Variants in CDC42EP4 observed in about 807,000 individuals in gnomAD.
CDC42EP4 encodes CDC42 effector protein 4, also known as CDC42 effector protein (Rho GTPase binding) 4.
A neutral mutation model predicts 5.6 loss-of-function variants in CDC42EP4; 6 were observed. That is an observed-to-expected ratio of 1.07 (90% CI 0.59 to 2.12). The LOEUF is 2.12. Ranked by LOEUF, CDC42EP4 falls within the 30% of genes most tolerant of loss-of-function variation. The pLI is 0.00. For synonymous variants in CDC42EP4, 230 were observed against 224.2 expected (o/e 1.03, Z -0.23); for missense variants, 490 against 508.6 (o/e 0.96, Z 0.35).
In CDC42EP4 at chr17:73,286,434, T is replaced by C; in HGVS notation, c.67A>G (p.Thr23Ala). ...AGCGGGGCGCTGATCATCTCGGCCG[T>C]GAGGTCCGCTCGGGAACGGCGCTTG... ...HSKRRSRADL[T>A]AEMISAPLGD... Residue 23 changes from threonine to alanine, a missense_variant, in exon 2 of 2, where the codon ACG (threonine) becomes GCG (alanine). Thr to Ala is a moderately conservative substitution (Grantham distance 58, BLOSUM62 0). Coordinates refer to ENST00000335793, the MANE Select transcript of CDC42EP4 (RefSeq NM_012121.5). The surrounding 1 kb of genome is among the most constrained non-coding windows in gnomAD (Gnocchi z 7.7). The C allele has an allele frequency of 6.2e-7, 1 of 1,612,898 alleles. No individual in the cohort carries two copies.
chr17:73,302,711 G>A (rs367969020), intron 1 of CDC42EP4, among the ~76,000 whole-genome samples: 136 of 152,212 alleles, frequency 8.9e-4, no homozygotes, highest in African/African-American at 2.5e-3. Context: ...GCCACCACAC[G>A]TGGCCAGAAT....
chr17:73,292,507 T>C (rs1190620333), intron 1 of CDC42EP4, among the ~76,000 whole-genome samples: 1 of 108,856 alleles, frequency 9.2e-6, no homozygotes, highest in Admixed American at 8.9e-5. Context: ...GTGTGGGGGG[T>C]GGGGGTGGGG....
In CDC42EP4 at chr17:73,295,138, G is replaced by A. The variant is rs551747893; in HGVS notation, c.-112-8526C>T. 4.4e-4 allele frequency among the ~76,000 whole-genome samples: 67 copies of A among 152,158 alleles called. 1 individual carries two copies. The South Asian group carries it at 8.5e-3, about 19-fold the overall frequency. ...CAGTGGATTTTCTTATGTACTCCTT[G>A]GGGTGCTAAAATGCAGCACCCACTG... On this transcript the variant is annotated intron_variant, in intron 1 of 1. Transcript: ENST00000335793.
rs139856720 is a variant in CDC42EP4 at position 73,286,020 on chromosome 17, C to T, written c.481G>A (p.Glu161Lys). 4 of 1,613,722 alleles carry T rather than the reference C, an allele frequency of 2.5e-6. No individual in the cohort carries two copies. Among genetic ancestry groups the T allele is most frequent in the Non-Finnish European group, 2.5e-6 (3 of 1,179,972 alleles). Residue 161 changes from glutamate (E) to lysine (K), a missense_variant, in exon 2 of 2, where the codon GAG (glutamate) becomes AAG (lysine). Glu to Lys is a moderately conservative substitution (Grantham distance 56, BLOSUM62 1). Coordinates refer to ENST00000335793, the MANE Select transcript of CDC42EP4 (RefSeq NM_012121.5). This position sits in a 1 kb window ranked among gnomAD's most constrained non-coding sequence, Gnocchi z 7.7. ...GCCCCATTCCGACGGGGCACTGCCT[C>T]CTCCGTGCCCGCCTCCTCATCGCCG... Reference protein sequence around the residue: ...EGGDEEAGTEEAVPRRNGAAG... With the variant: ...EGGDEEAGTEKAVPRRNGAAG...
intron 1 of CDC42EP4, among the ~76,000 whole-genome samples, chr17:73,291,673 A>G (rs772202300): frequency 3.9e-5 from 6 of 152,032 alleles, no homozygotes; most frequent in Non-Finnish European, 5.9e-5. Context: ...CACTCCCCAT[A>G]GCCTGCCTTG....
rs573408812 is a variant in CDC42EP4 at position 73,284,017 on chromosome 17, T to C, written c.*1413A>G. On this transcript the variant is annotated 3_prime_UTR_variant, in exon 2 of 2. Coordinates refer to ENST00000335793, the MANE Select transcript of CDC42EP4 (RefSeq NM_012121.5). ...AACCGGCAGTCAACCTCAGGGCTCA[T>C]ACCCGAGCTTCTGCTCAATCCCCTC... The C allele has an allele frequency of 1.3e-5, 2 of 152,370 alleles. No homozygotes were observed. Among genetic ancestry groups the C allele is most frequent in the South Asian group, 2.1e-4 (1 of 4,830 alleles). The allele number at this position is 152,370 out of a possible 1,614,324, so 9.4% of individuals were successfully genotyped here. A position where few individuals can be genotyped will look rare whatever the true frequency, so the allele number is the denominator to read the frequency against.
At chr17:73,310,613 A>G (rs1450619936) in intron 1 of CDC42EP4, among the ~76,000 whole-genome samples, 1 of 152,270 alleles carries the variant, frequency 6.6e-6, no homozygotes, top group East Asian at 1.9e-4. Flanking sequence ...AGGCAACGAG[A>G]AAAGAAAAGG....
At chr17:73,289,823 AGAAAG>A (rs1161650686) in intron 1 of CDC42EP4, among the ~76,000 whole-genome samples, 3 of 149,788 alleles carry the variant, frequency 2.0e-5, no homozygotes, top group African/African-American at 7.3e-5. Context: ...AGAAAGAAAA[AGAAAG>A]GAAAGAAGGA....
chr17:73,288,840 C>T (rs1454527546), intron 1 of CDC42EP4, among the ~76,000 whole-genome samples: 3 of 152,178 alleles, frequency 2.0e-5, no homozygotes, highest in Non-Finnish European at 2.9e-5. Context: ...CACGCCATAC[C>T]GCTTATCATT....
Position 73,286,243 on chromosome 17 carries a change from G to A in CDC42EP4, c.258C>T (p.Ser86=). 6.2e-7 allele frequency: 1 copy of A among 1,614,228 alleles called. No homozygotes were observed. The highest frequency in any genetic ancestry group is 8.5e-7 in the Non-Finnish European group (1 of 1,180,046). Residue 86 remains serine (S), a synonymous_variant, in exon 2 of 2, where the codon AGC becomes AGT. Coordinates refer to ENST00000335793, the MANE Select transcript of CDC42EP4 (RefSeq NM_012121.5). The surrounding 1 kb of genome is among the most constrained non-coding windows in gnomAD (Gnocchi z 7.7). ...CCCTGGTCACCGACTGTGACCGCTTGCTGCCCCGGAACTTCCTGGACAGGA... is the reference window on the plus strand; with the variant it reads ...CCCTGGTCACCGACTGTGACCGCTTACTGCCCCGGAACTTCCTGGACAGGA... The part of the protein sequence containing the change: ...RSLLSRKFRG[S]KRSQSVTRGE...
chr17:73,298,149 C>T (rs1170075210), intron 1 of CDC42EP4, among the ~76,000 whole-genome samples: 1 of 152,154 alleles, frequency 6.6e-6, no homozygotes, highest in Non-Finnish European at 1.5e-5. Flanking sequence ...TCCATCCGTA[C>T]TCTGCCTCTC....
chr17:73,310,218 A>C (rs1191895347), intron 1 of CDC42EP4: 1 of 152,202 alleles, frequency 6.6e-6, no homozygotes, highest in African/African-American at 2.4e-5. Flanking sequence ...CTTAAAATTC[A>C]GTCCACCCTG....
Position 73,286,702 on chromosome 17 carries a change from C to T in CDC42EP4, c.-112-90G>A. On this transcript the variant is annotated intron_variant, in intron 1 of 1. Transcript: ENST00000335793. The surrounding 1 kb of genome is among the most constrained non-coding windows in gnomAD (Gnocchi z 7.7). ...TGCCAGGGGACTGTCATTTAAACCC[C>T]AGCGCTCCTACCAAAGTTAAATGCT... 1.7e-6 allele frequency: 1 copy of T among 575,022 alleles called. No homozygotes were observed. The highest frequency in any genetic ancestry group is 3.0e-5 in the Admixed American group (1 of 32,944). 35.6% of individuals were successfully genotyped at this position (575,022 alleles called of 1,614,324 possible). A position where few individuals can be genotyped will look rare whatever the true frequency, so the allele number is the denominator to read the frequency against.
intron 1 of CDC42EP4, among the ~76,000 whole-genome samples, chr17:73,298,803 C>T (rs1435710375): frequency 1.3e-5 from 2 of 152,204 alleles, no homozygotes; most frequent in Non-Finnish European, 1.5e-5. Context: ...CACTGGGCTC[C>T]GCTGCGTGCC....
intron 1 of CDC42EP4, among the ~76,000 whole-genome samples, chr17:73,295,857 A>G (rs1461204093): frequency 6.6e-6 from 1 of 150,438 alleles, no homozygotes; most frequent in Non-Finnish European, 1.5e-5. Context: ...GCACACTGAG[A>G]TCATGCCATT....
chr17:73,300,587 G>A (rs1399103255), intron 1 of CDC42EP4, among the ~76,000 whole-genome samples: 1 of 152,112 alleles, frequency 6.6e-6, no homozygotes, highest in East Asian at 1.9e-4. Flanking sequence ...CTGGAGACTG[G>A]GAGGGTGGGA....
At chr17:73,300,782 C>T (rs2062215243) in intron 1 of CDC42EP4, among the ~76,000 whole-genome samples, 1 of 152,166 alleles carries the variant, frequency 6.6e-6, no homozygotes, top group Non-Finnish European at 1.5e-5. Context: ...CGCGGTGGCT[C>T]ACCCCTGTAA....
intron 1 of CDC42EP4, among the ~76,000 whole-genome samples, chr17:73,308,221 G>A (rs1467881659): frequency 6.6e-6 from 1 of 152,166 alleles, no homozygotes. Flanking sequence ...CACTCTGCCG[G>A]ATGACCCCTC....
rs547362762 is a variant in CDC42EP4, at chr17:73,297,001, A to AAAAAAAAAAAACAC, written c.-112-10390_-112-10389insGTGTTTTTTTTTTT. Reference sequence around the variant, plus strand: ...GTCTCAAAAAAAAAAAAAAAAAAAAAAAATACACAAGGCCAAGCGCCGTGG... The same window carrying AAAAAAAAAAAACAC: ...GTCTCAAAAAAAAAAAAAAAAAAAAAAAAAAAAAAAACACAAATACACAAGGCCAAGCGCCGTGG... On this transcript the variant is annotated intron_variant, in intron 1 of 1. Transcript: ENST00000335793. 2.1e-4 allele frequency among the ~76,000 whole-genome samples: 13 copies of AAAAAAAAAAAACAC among 61,774 alleles called. 2 individuals carry two copies. Among genetic ancestry groups the AAAAAAAAAAAACAC allele is most frequent in the Non-Finnish European group, 3.3e-4 (10 of 30,034 alleles). 40.5% of individuals were successfully genotyped at this position (61,774 alleles called of 152,430 possible).
Sources: gnomAD v4.1 joint callset for allele counts (sites outside exome capture counted in the v4.1 genomes callset) on GRCh38, gnomAD v4.1.1 for gene constraint, Gnocchi (gnomAD v3.1) non-coding constraint, MANE v1.5 for transcripts, NCBI Gene and HGNC (gene_info 2026-07-23, HGNC 2026-07-21) for gene names.